The following ZNF284 variants were observed in gnomAD, a reference collection of about 807,000 sequenced individuals.
ZNF284 encodes zinc finger protein 284.
Under a neutral mutation model 12.9 loss-of-function variants are expected in ZNF284, and 12 were observed. The ratio of observed to expected loss-of-function variants is 0.93; its 90% CI spans 0.60 to 1.51. The LOEUF is 1.51. Ranked by LOEUF, ZNF284 falls within the 40% of genes most tolerant of loss-of-function variation. The pLI is 0.00. For synonymous variants in ZNF284, 225 were observed against 236.5 expected, an observed-to-expected ratio of 0.95 and a Z score of 0.45; for missense variants, 667 against 707.3, an observed-to-expected ratio of 0.94 and a Z score of 0.65.
At position 44,087,057 on chromosome 19, in the gene ZNF284, C is replaced by T. The variant is rs1223482725; in HGVS notation, c.1579C>T (p.Leu527=). The T allele has an allele frequency of 3.7e-6, 6 of 1,613,978 alleles. No individual in the cohort carries two copies. In the African/African-American group the frequency reaches 5.3e-5, roughly 14 times the overall value. ...GGGATTCAGATGGGCCTCAACTCAT[C>T]TAACCCATCAAAGACTCCACAGCAG... The part of the protein sequence containing the change: ...GKGFRWASTH[L]THQRLHSREK... The change falls in exon 5 of 5, where the codon CTA becomes TTA. Residue 527 remains leucine, a synonymous_variant. Coordinates refer to ENST00000421176, the MANE Select transcript of ZNF284 (RefSeq NM_001037813.4).
chr19:44,086,120 G>A lies in ZNF284; in HGVS notation c.642G>A (p.Gln214=), dbSNP rs928862664. The A allele has an allele frequency of 1.2e-6, 2 of 1,614,212 alleles. No homozygotes were observed. Among genetic ancestry groups the A allele is most frequent in the Admixed American group, 3.3e-5 (2 of 60,026 alleles). The part of the protein sequence containing the change: ...KCDVCSKAFS[Q]NSQLQTHQRI... Reference sequence around the variant, plus strand: ...ATGTGTGTAGTAAGGCATTTAGTCAGAACTCACAACTGCAAACTCATCAGA... The same window carrying A: ...ATGTGTGTAGTAAGGCATTTAGTCAAAACTCACAACTGCAAACTCATCAGA... Residue 214 remains glutamine, a synonymous_variant, in exon 5 of 5, where the codon CAG becomes CAA. Coordinates refer to ENST00000421176, the MANE Select transcript of ZNF284 (RefSeq NM_001037813.4).
intron 1 of ZNF284, among the ~76,000 whole-genome samples, chr19:44,074,763 G>A (rs939396353): frequency 2.0e-5 from 3 of 152,154 alleles, no homozygotes; most frequent in Non-Finnish European, 4.4e-5. Flanking sequence ...GAGGCCAGGA[G>A]TTCAAGACCA....
At chr19:44,076,287 C>CT (rs113979105) in intron 1 of ZNF284, 35 bp from the exon 2 acceptor site, 32,257 of 1,053,204 alleles carry the variant, frequency 0.031, 197 homozygotes, top group African/African-American at 0.098. Context: ...CTTCATGTCT[C>CT]TTTTTTTTTT....
At position 44,087,155 on chromosome 19, in the gene ZNF284, C is replaced by A. The variant is rs202070396; in HGVS notation, c.1677C>A (p.Ser559Arg). 2.5e-6 allele frequency: 4 copies of A among 1,613,928 alleles called. No homozygotes were observed. Among genetic ancestry groups the A allele is most frequent in the Non-Finnish European group, 3.4e-6 (4 of 1,179,916 alleles). The stretch of plus-strand genomic sequence containing the variant: ...GTTCATGCCTTCAAGACCAACAAAG[C>A]GACCACAGTGGAGAAAAAACATCCA... ...EHSSCLQDQQ[S>R]DHSGEKTSKC... is the part of the protein sequence containing the mutation. Residue 559 changes from serine (S) to arginine (R), a missense_variant, in exon 5 of 5, where the codon AGC (serine) becomes AGA (arginine). Coordinates refer to ENST00000421176, the MANE Select transcript of ZNF284 (RefSeq NM_001037813.4).
chr19:44,076,225 G>C (rs1051976014), intron 1 of ZNF284, 97 bp from the exon 2 acceptor site: 1 of 583,584 alleles, frequency 1.7e-6, no homozygotes. Flanking sequence ...GAACATTCAA[G>C]TGCTAATTCA....
Position 44,086,546 on chromosome 19 carries a change from A to G in ZNF284, c.1068A>G (p.Gln356=). ...GTGGAAGGAGCTTCACTTGTAGGCA[A>G]GATCTTTGTAAGCATCAGATGGACC... ...EECGRSFTCR[Q]DLCKHQMDHT... The change falls in exon 5 of 5, where the codon CAA becomes CAG. Residue 356 remains glutamine, a synonymous_variant. Transcript: ENST00000421176. The G allele has an allele frequency of 4.3e-6, 7 of 1,614,228 alleles. No homozygotes were observed. Among genetic ancestry groups the G allele is most frequent in the Non-Finnish European group, 5.9e-6 (7 of 1,180,038 alleles).
In ZNF284 at chr19:44,083,758, C is replaced by T. The variant is rs540762730; in HGVS notation, c.235+1653C>T. Among the ~76,000 whole-genome samples the T allele has an allele frequency of 1.4e-4, 21 of 152,048 alleles. No individual in the cohort carries two copies. The East Asian group carries it at 2.5e-3, about 18-fold the overall frequency. The stretch of plus-strand genomic sequence containing the variant: ...TGAGCATAGTACCCAATAGTGGTGG[C>T]AGGATAACCCTCAGGTTTTAAGGCT... On this transcript the variant is annotated intron_variant, in intron 4 of 4. Transcript: ENST00000421176.
chr19:44,085,629 T>C (rs1967219791), intron 4 of ZNF284, 85 bp from the exon 5 acceptor site: 2 of 1,233,664 alleles, frequency 1.6e-6, no homozygotes, highest in East Asian at 4.7e-5. Context: ...TTCAGTAAAG[T>C]TTCAGGCCAT....
chr19:44,083,436 AAAAT>A (rs1358111514), intron 4 of ZNF284, among the ~76,000 whole-genome samples: 11 of 125,746 alleles, frequency 8.7e-5, no homozygotes, highest in African/African-American at 2.0e-4. Flanking sequence ...TCTGTCTCAA[AAAAT>A]AAATAAAGAA....
intron 2 of ZNF284, among the ~76,000 whole-genome samples, chr19:44,076,630 C>A (rs1174270783): frequency 6.6e-6 from 1 of 152,072 alleles, no homozygotes; most frequent in Non-Finnish European, 1.5e-5. Flanking sequence ...TGGGAAGGAA[C>A]AATTCTCCCA....
rs530915813 is a variant in ZNF284, at chr19:44,078,236, A to G, written c.15+1832A>G. On this transcript the variant is annotated intron_variant, in intron 2 of 4. Transcript: ENST00000421176. ...ATTTGAAAAGGTGATAGTATTATTTATATTCAAATACATGGGATTAATAAG... is the reference window on the plus strand; with the variant it reads ...ATTTGAAAAGGTGATAGTATTATTTGTATTCAAATACATGGGATTAATAAG... Among the ~76,000 whole-genome samples the G allele has an allele frequency of 2.6e-5, 4 of 152,338 alleles. No individual in the cohort carries two copies. In the East Asian group the frequency reaches 5.8e-4, roughly 22 times the overall value.
chr19:44,086,876 G>T lies in ZNF284; in HGVS notation c.1398G>T (p.Trp466Cys), dbSNP rs1967264890. 1 of 1,613,670 alleles carries T rather than the reference G, an allele frequency of 6.2e-7. No individual in the cohort carries two copies. The highest frequency in any genetic ancestry group is 1.1e-5 in the South Asian group (1 of 91,032). ...NCKECGKSFR[W>C]ASGILRHKRL... ...AGGAATGTGGAAAGAGCTTCAGGTG[G>T]GCCTCAGGTATTTTGAGACATAAGA... The change falls in exon 5 of 5, where the codon TGG becomes TGT. Residue 466 changes from tryptophan (W) to cysteine (C), a missense_variant. Coordinates refer to ENST00000421176, the MANE Select transcript of ZNF284 (RefSeq NM_001037813.4).
At chr19:44,078,877 G>A (rs1242304131) in intron 2 of ZNF284, among the ~76,000 whole-genome samples, 8 of 152,144 alleles carry the variant, frequency 5.3e-5, no homozygotes, top group South Asian at 2.1e-4. Flanking sequence ...TACAACCTCC[G>A]CCTCCTGGGT....
At chr19:44,084,153 G>GC (rs1211983057) in intron 4 of ZNF284, among the ~76,000 whole-genome samples, 2 of 152,208 alleles carry the variant, frequency 1.3e-5, no homozygotes, top group Admixed American at 1.3e-4. Context: ...CCTTTCAGTG[G>GC]TGCAGGCAGA....
chr19:44,076,285 CTCTT>C, intron 1 of ZNF284, 33 bp from the exon 2 acceptor site: 8 of 1,159,826 alleles, frequency 6.9e-6, no homozygotes, highest in Non-Finnish European at 9.9e-6. Flanking sequence ...CCCTTCATGT[CTCTT>C]TTTTTTTTTT....
At position 44,086,949 on chromosome 19, in the gene ZNF284, A is replaced by G. The variant is rs756899286; in HGVS notation, c.1471A>G (p.Arg491Gly). 6.2e-7 allele frequency: 1 copy of G among 1,614,202 alleles called. No homozygotes were observed. The highest frequency in any genetic ancestry group is 1.1e-5 in the South Asian group (1 of 91,086). The part of the protein sequence containing the change: ...KPFKCEECGK[R>G]FTENSKLRFH... The stretch of plus-strand genomic sequence containing the variant: ...ATTCAAATGTGAAGAGTGTGGGAAG[A>G]GGTTTACTGAGAATTCAAAACTTCG... The change falls in exon 5 of 5, where the codon AGG (arginine) becomes GGG (glycine). Residue 491 changes from arginine to glycine, a missense_variant. Transcript: ENST00000421176.
At position 44,085,959 on chromosome 19, in the gene ZNF284, A is replaced by G. The variant is rs1225126466; in HGVS notation, c.481A>G (p.Ile161Val). ...KCKKFFSDVS[I>V]LDLHQQLHSG... ...TAAAAAATTCTTCAGTGATGTCTCC[A>G]TCCTTGATCTTCATCAACAATTACA... The change falls in exon 5 of 5, where the codon ATC becomes GTC. Residue 161 changes from isoleucine to valine, a missense_variant. By Grantham distance (29) the Ile-to-Val change is conservative. Transcript: ENST00000421176. 2.4e-5 allele frequency: 39 copies of G among 1,614,052 alleles called. No homozygotes were observed. Among genetic ancestry groups the G allele is most frequent in the Non-Finnish European group, 3.1e-5 (37 of 1,180,018 alleles).
At chr19:44,081,555 C>CA (rs1051395057) in intron 3 of ZNF284, among the ~76,000 whole-genome samples, 16 of 151,456 alleles carry the variant, frequency 1.1e-4, no homozygotes, top group East Asian at 2.0e-4. Flanking sequence ...ACTAAAAATA[C>CA]AAAAAAAATT....
intron 4 of ZNF284, among the ~76,000 whole-genome samples, chr19:44,082,825 C>A (rs117431722): frequency 6.3e-4 from 96 of 152,226 alleles, no homozygotes; most frequent in Middle Eastern, 6.8e-3. Flanking sequence ...GGGTCCCTTG[C>A]GATTGGATTG....
Sources: allele counts gnomAD v4.1 joint callset (sites outside exome capture counted in the v4.1 genomes callset), GRCh38; gene constraint gnomAD v4.1.1; transcripts MANE v1.5; gene names NCBI Gene and HGNC (gene_info 2026-07-23, HGNC 2026-07-21).